The following DNAJC10 variants were observed in gnomAD, a reference collection of about 807,000 sequenced individuals.
The protein encoded by DNAJC10 is DnaJ heat shock protein family (Hsp40) member C10, also known as endoplasmic reticulum disulfide reductase DNAJC10.
A neutral mutation model predicts 115.0 loss-of-function variants in DNAJC10; 101 were observed. The observed-to-expected ratio is 0.88, with a 90% CI of 0.75 to 1.04. The LOEUF (loss-of-function observed/expected upper bound fraction) is 1.04, where lower values mean the gene tolerates loss of function less well. DNAJC10 is among the 50% of genes least tolerant of loss of function. DNAJC10 has a pLI of 0.00. For synonymous variants in DNAJC10, 307 were observed against 301.5 expected (o/e 1.02, Z -0.19); for missense variants, 981 against 928.8 (o/e 1.06, Z -0.73).
Position 182,782,337 on chromosome 2 carries a change from T to G in DNAJC10, c.*5205T>G, listed in dbSNP as rs950195153. The stretch of plus-strand genomic sequence containing the variant: ...GTTTTGGTACCAGTACCATGCTGTT[T>G]TGGTTACTGAGCCTTGTAGTATAGT... On this transcript the variant is annotated 3_prime_UTR_variant, in exon 24 of 24. Transcript: ENST00000264065. 6.6e-6 allele frequency: 1 copy of G among 152,160 alleles called. No individual in the cohort carries two copies. Among genetic ancestry groups the G allele is most frequent in the Non-Finnish European group, 1.5e-5 (1 of 68,052 alleles). 9.4% of individuals were successfully genotyped at this position (152,160 alleles called of 1,614,324 possible). A position where few individuals can be genotyped will look rare whatever the true frequency, so the allele number is the denominator to read the frequency against.
chr2:182,718,604 T>TA, intron 3 of DNAJC10, among the ~76,000 whole-genome samples: 1 of 152,340 alleles, frequency 6.6e-6, no homozygotes, highest in East Asian at 1.9e-4. Flanking sequence ...TAAAGTAGGT[T>TA]AAGATCAAGT....
chr2:182,786,706 C>T lies in DNAJC10; in HGVS notation c.*9574C>T, dbSNP rs288309. On this transcript the variant is annotated 3_prime_UTR_variant, in exon 24 of 24. Coordinates refer to ENST00000264065, the MANE Select transcript of DNAJC10 (RefSeq NM_018981.4). ...TTGCCAAAGCCAAGTTCTCTCCCTCCCTCTCAACAGATTTCTCAGCACACA... is the reference window on the plus strand; with the variant it reads ...TTGCCAAAGCCAAGTTCTCTCCCTCTCTCTCAACAGATTTCTCAGCACACA... The T allele has an allele frequency of 0.68, 102,875 of 152,094 alleles. 35,508 individuals carry two copies. The highest frequency in any genetic ancestry group is 0.8 in the African/African-American group (33,311 of 41,488). 9.4% of individuals were successfully genotyped at this position (152,094 alleles called of 1,614,324 possible).
At position 182,790,902 on chromosome 2, in the gene DNAJC10, C is replaced by G. The variant is rs1695037947; in HGVS notation, c.*13770C>G. 1 of 151,894 alleles carries G rather than the reference C, an allele frequency of 6.6e-6. No homozygotes were observed. Among genetic ancestry groups the G allele is most frequent in the Admixed American group, 6.6e-5 (1 of 15,238 alleles). The allele number at this position is 151,894 out of a possible 1,614,324, so 9.4% of individuals were successfully genotyped here. ...TAAGCTGACTTATTTTCTGACTTTT[C>G]CTTTGCTTTATTCTCTTATTTCTTC... On this transcript the variant is annotated 3_prime_UTR_variant, in exon 24 of 24. Transcript: ENST00000264065.
At chr2:182,731,964 C>A (rs1049779501) in intron 9 of DNAJC10, among the ~76,000 whole-genome samples, 1 of 152,142 alleles carries the variant, frequency 6.6e-6, no homozygotes, top group African/African-American at 2.4e-5. Flanking sequence ...CTTCTCACCT[C>A]AAGTAAATTG....
In DNAJC10 at chr2:182,728,918, G is replaced by C. The variant is rs770432811; in HGVS notation, c.557G>C (p.Cys186Ser). 28 of 1,614,018 alleles carry C rather than the reference G, an allele frequency of 1.7e-5. 1 individual carries two copies. The highest frequency in any genetic ancestry group is 1.0e-4 in the Admixed American group (6 of 60,030). ...TTACTTCGAATTGGAGCTGTTAACT[G>C]TGGTGATGATAGAATGCTTTGCCGA... ...DGLLRIGAVN[C>S]GDDRMLCRMK... The change falls in exon 7 of 24, where the codon TGT becomes TCT. Residue 186 changes from cysteine (C) to serine (S), a missense_variant. Physicochemically the swap from Cys to Ser is moderately radical, Grantham distance 112. Coordinates refer to ENST00000264065, the MANE Select transcript of DNAJC10 (RefSeq NM_018981.4).
chr2:182,768,069 G>A (rs200146514), intron 22 of DNAJC10, among the ~76,000 whole-genome samples: 5 of 152,106 alleles, frequency 3.3e-5, no homozygotes, highest in Non-Finnish European at 5.9e-5. Flanking sequence ...GTTACATTTT[G>A]TGATGAATAG....
chr2:182,750,188 C>A (rs1405993299), intron 14 of DNAJC10, among the ~76,000 whole-genome samples: 1 of 152,110 alleles, frequency 6.6e-6, no homozygotes, highest in Admixed American at 6.6e-5. Context: ...ATGTTTCTGA[C>A]TTGACGAAAT....
intron 14 of DNAJC10, among the ~76,000 whole-genome samples, chr2:182,746,478 T>C (rs1693869853): frequency 6.6e-6 from 1 of 152,222 alleles, no homozygotes; most frequent in Non-Finnish European, 1.5e-5. Context: ...ATTTCTCTGA[T>C]GGCCAGTGAT....
intron 10 of DNAJC10, among the ~76,000 whole-genome samples, chr2:182,733,688 A>ATT (rs10642468): frequency 0.21 from 28,254 of 133,948 alleles, 6,292 homozygotes; most frequent in African/African-American, 0.52. Context: ...TTCTTTCTCA[A>ATT]TTTTTTTTTT....
Position 182,718,211 on chromosome 2 carries a change from T to C in DNAJC10, c.125T>C (p.Val42Ala). The change falls in exon 3 of 24, where the codon GTG (valine) becomes GCG (alanine). Residue 42 changes from valine (V) to alanine (A), a missense_variant. Physicochemically the swap from Val to Ala is moderately conservative, Grantham distance 64. Transcript: ENST00000264065. ...TDQDFYSLLG[V>A]SKTASSREIR... ...CAGGATTTTTACAGTTTACTTGGAG[T>C]GTCCAAAACTGCAAGCAGTAGAGAA... 1 of 1,613,386 alleles carries C rather than the reference T, an allele frequency of 6.2e-7. No homozygotes were observed. Among genetic ancestry groups the C allele is most frequent in the Non-Finnish European group, 8.5e-7 (1 of 1,179,762 alleles).
chr2:182,758,392 C>T (rs899221560), intron 19 of DNAJC10, among the ~76,000 whole-genome samples: 5 of 152,018 alleles, frequency 3.3e-5, no homozygotes, highest in Non-Finnish European at 5.9e-5. Flanking sequence ...TGTTATTAAA[C>T]AAGTAAAAAT....
Position 182,743,804 on chromosome 2 carries a change from C to G in DNAJC10, c.1306+92C>G, listed in dbSNP as rs537321552. ...GCTTTTTAAACTTATTTTTTACGGA[C>G]ATGCTTATTGTAAATAACTTTTCTC... On this transcript the variant is annotated intron_variant, in intron 14 of 23. Transcript: ENST00000264065. 5.9e-5 allele frequency: 49 copies of G among 832,282 alleles called. No individual in the cohort carries two copies. The South Asian group carries it at 7.6e-4, about 13-fold the overall frequency. 51.6% of individuals were successfully genotyped at this position (832,282 alleles called of 1,614,324 possible).
In DNAJC10 at chr2:182,761,344, TA is replaced by T. The variant is rs544713399; in HGVS notation, c.2146-1337del. On this transcript the variant is annotated intron_variant, in intron 21 of 23. Coordinates refer to ENST00000264065, the MANE Select transcript of DNAJC10 (RefSeq NM_018981.4). ...ATATACAAACATTTTGTAAATGACA[TA>T]GACACTTACGAAATTAACATTTCTA... Among the ~76,000 whole-genome samples the T allele has an allele frequency of 7.2e-3, 1,100 of 152,272 alleles. 4 individuals are homozygous for T. Among genetic ancestry groups the T allele is most frequent in the South Asian group, 0.032 (154 of 4,828 alleles).
intron 22 of DNAJC10, among the ~76,000 whole-genome samples, chr2:182,767,143 T>C (rs1385736832): frequency 1.3e-5 from 2 of 152,074 alleles, no homozygotes; most frequent in Non-Finnish European, 2.9e-5. Context: ...TCTTCCAAAT[T>C]CCTTTCAGGT....
chr2:182,737,962 A>G (rs752349237), intron 11 of DNAJC10, among the ~76,000 whole-genome samples: 40 of 152,334 alleles, frequency 2.6e-4, no homozygotes, highest in Non-Finnish European at 5.0e-4. Flanking sequence ...GGGATTGCAT[A>G]GTAGATTCTA....
rs531895286 is a variant in DNAJC10 at position 182,790,562 on chromosome 2, G to GA, written c.*13431dup. Reference sequence around the variant, plus strand: ...GCGCTTTGGGAGGCCGAGGCGGGTGGATCCCTTGAGGTTAAGAGTTCAAGA... The same window carrying GA: ...GCGCTTTGGGAGGCCGAGGCGGGTGGAATCCCTTGAGGTTAAGAGTTCAAGA... On this transcript the variant is annotated 3_prime_UTR_variant, in exon 24 of 24. Transcript: ENST00000264065. The GA allele has an allele frequency of 1.2e-3, 177 of 152,104 alleles. No homozygotes were observed. The highest frequency in any genetic ancestry group is 3.8e-3 in the African/African-American group (159 of 41,502). The allele number at this position is 152,104 out of a possible 1,614,324, so 9.4% of individuals were successfully genotyped here. A position where few individuals can be genotyped will look rare whatever the true frequency, so the allele number is the denominator to read the frequency against.
Position 182,783,432 on chromosome 2 carries a change from A to G in DNAJC10, c.*6300A>G, listed in dbSNP as rs1385540019. 6.6e-6 allele frequency: 1 copy of G among 152,194 alleles called. No homozygotes were observed. Among genetic ancestry groups the G allele is most frequent in the Non-Finnish European group, 1.5e-5 (1 of 68,024 alleles). 9.4% of individuals were successfully genotyped at this position (152,194 alleles called of 1,614,324 possible). On this transcript the variant is annotated 3_prime_UTR_variant, in exon 24 of 24. Coordinates refer to ENST00000264065, the MANE Select transcript of DNAJC10 (RefSeq NM_018981.4). ...GCGTTAAGGCAAAAAATACATATAC[A>G]CACACAAAAAAAATATTTCAGCAGC... is the stretch of plus-strand genomic sequence containing the variant.
chr2:182,750,008 T>C (rs1693975445), intron 14 of DNAJC10, among the ~76,000 whole-genome samples: 1 of 152,196 alleles, frequency 6.6e-6, no homozygotes, highest in African/African-American at 2.4e-5. Flanking sequence ...TTCCTCATCA[T>C]GTGGGCCTTT....
At chr2:182,744,214 G>A (rs182815739) in intron 14 of DNAJC10, among the ~76,000 whole-genome samples, 18 of 152,258 alleles carry the variant, frequency 1.2e-4, no homozygotes, top group East Asian at 1.2e-3. Context: ...TTGGACTACA[G>A]CAGAGTCCTT....
Sources: gnomAD v4.1 joint callset for allele counts (sites outside exome capture counted in the v4.1 genomes callset) on GRCh38, gnomAD v4.1.1 for gene constraint, MANE v1.5 for transcripts, NCBI Gene and HGNC (gene_info 2026-07-23, HGNC 2026-07-21) for gene names.